CNTN5: variants seen among roughly 807,000 people sequenced by gnomAD.
CNTN5 encodes contactin-5.
Under a neutral mutation model 129.1 loss-of-function variants are expected in CNTN5, and 77 were observed. The ratio of observed to expected loss-of-function variants is 0.60; its 90% confidence interval spans 0.50 to 0.72. The LOEUF (loss-of-function observed/expected upper bound fraction) is 0.72. CNTN5 is among the 30% of genes least tolerant of loss of function. The pLI, the probability that CNTN5 is intolerant of heterozygous loss-of-function variation, is 0.00. For synonymous variants in CNTN5, 509 were observed against 465.6 expected (o/e 1.09, Z -1.20); for missense variants, 1,478 against 1,328.8 (o/e 1.11, Z -1.75).
chr11:99,934,718 C>T (rs1301010978), intron 7 of CNTN5, among the ~76,000 whole-genome samples: 1 of 151,616 alleles, frequency 6.6e-6, no homozygotes, highest in Non-Finnish European at 1.5e-5. Flanking sequence ...AACTCTGTGT[C>T]TACTAAAAAT....
At chr11:99,141,215 C>T (rs1226155865) in intron 1 of CNTN5, among the ~76,000 whole-genome samples, 2 of 151,920 alleles carry the variant, frequency 1.3e-5, no homozygotes, top group African/African-American at 2.4e-5. Flanking sequence ...TTTATTGGTT[C>T]AACCTTGGGA....
At chr11:99,941,644 G>A (rs939034951) in intron 7 of CNTN5, among the ~76,000 whole-genome samples, 2 of 146,188 alleles carry the variant, frequency 1.4e-5, no homozygotes, top group Non-Finnish European at 3.0e-5. Flanking sequence ...TTCTAGTTAA[G>A]GTCAGCAAAT....
At chr11:99,963,849 A>C (rs530671842) in intron 8 of CNTN5, among the ~76,000 whole-genome samples, 7 of 152,238 alleles carry the variant, frequency 4.6e-5, no homozygotes, top group African/African-American at 7.2e-5. Context: ...AGTGGTTTGT[A>C]GTTCTCCTTG....
At chr11:99,658,448 A>G (rs2135907113) in intron 3 of CNTN5, among the ~76,000 whole-genome samples, 1 of 152,240 alleles carries the variant, frequency 6.6e-6, no homozygotes, top group Middle Eastern at 3.4e-3. Context: ...TTTTCTTAAT[A>G]TCTCAGGCAA....
chr11:99,598,286 T>G (rs376567206), intron 3 of CNTN5, among the ~76,000 whole-genome samples: 268 of 5,374 alleles, frequency 0.05, 1 homozygote, highest in Middle Eastern at 0.12. Context: ...TTTCTTTTCT[T>G]TTCTTTTCTT....
intron 1 of CNTN5, among the ~76,000 whole-genome samples, chr11:99,143,373 T>A (rs991033314): frequency 7.4e-5 from 11 of 148,368 alleles, no homozygotes; most frequent in African/African-American, 2.7e-4. Flanking sequence ...TTTATAAAAT[T>A]ACATATATAA....
At chr11:99,507,756 A>G (rs2135401586) in intron 2 of CNTN5, among the ~76,000 whole-genome samples, 1 of 152,290 alleles carries the variant, frequency 6.6e-6, no homozygotes, top group East Asian at 1.9e-4. Flanking sequence ...ATATTTTTTC[A>G]TCAAGTGTAA....
At chr11:99,100,068 A>T (rs914194265) in intron 1 of CNTN5, among the ~76,000 whole-genome samples, 2 of 152,330 alleles carry the variant, frequency 1.3e-5, no homozygotes, top group East Asian at 3.9e-4. Flanking sequence ...AGTTAAAATC[A>T]TTAAACATTT....
intron 6 of CNTN5, among the ~76,000 whole-genome samples, chr11:99,909,822 G>T (rs1009928067): frequency 4.5e-4 from 69 of 151,784 alleles, no homozygotes; most frequent in African/African-American, 1.6e-3. Context: ...GGGGTGGGGG[G>T]AGAGGGGAGG....
chr11:99,433,374 T>TGTGC (rs1565578561), intron 2 of CNTN5, among the ~76,000 whole-genome samples: 12 of 21,568 alleles, frequency 5.6e-4, no homozygotes, highest in African/African-American at 1.3e-3. Flanking sequence ...AAAAAAAATG[T>TGTGC]GTGTGTGTGT....
chr11:99,142,924 C>G (rs891862084), intron 1 of CNTN5, among the ~76,000 whole-genome samples: 1 of 152,160 alleles, frequency 6.6e-6, no homozygotes, highest in South Asian at 2.1e-4. Flanking sequence ...CACCTCAGGG[C>G]CAGGGACTAG....
intron 15 of CNTN5, among the ~76,000 whole-genome samples, chr11:100,205,612 C>G (rs1194147159): frequency 6.6e-6 from 1 of 152,012 alleles, no homozygotes; most frequent in African/African-American, 2.4e-5. Flanking sequence ...AGCCTTCTGT[C>G]TCACGGGTTC....
Position 99,818,813 on chromosome 11 carries a change from C to T in CNTN5, c.56-731C>T, listed in dbSNP as rs192593918. On this transcript the variant is annotated intron_variant, in intron 3 of 24. Transcript: ENST00000524871. The stretch of plus-strand genomic sequence containing the variant: ...TTAGGAATTAAAATATGAAATTTAT[C>T]AATAATCAATAAAAATGAAAATTTC... Among the ~76,000 whole-genome samples, 186 of 152,168 alleles carry T rather than the reference C, an allele frequency of 1.2e-3. 1 individual carries two copies. Among genetic ancestry groups the T allele is most frequent in the African/African-American group, 4.2e-3 (175 of 41,508 alleles).
At chr11:99,370,053 A>T (rs1039489383) in intron 2 of CNTN5, among the ~76,000 whole-genome samples, 1 of 152,176 alleles carries the variant, frequency 6.6e-6, no homozygotes, top group Non-Finnish European at 1.5e-5. Flanking sequence ...GCAGTTGAAA[A>T]GGTGTTGAAG....
At chr11:100,048,808 T>C (rs1276630360) in intron 9 of CNTN5, among the ~76,000 whole-genome samples, 2 of 152,082 alleles carry the variant, frequency 1.3e-5, no homozygotes, top group African/African-American at 2.4e-5. Context: ...ATCTGTATTG[T>C]TGTAAAACTT....
At chr11:99,744,314 C>A (rs140547478) in intron 3 of CNTN5, among the ~76,000 whole-genome samples, 1 of 151,664 alleles carries the variant, frequency 6.6e-6, no homozygotes, top group African/African-American at 2.4e-5. Flanking sequence ...AAACCTCTGG[C>A]CCCCACAAAC....
chr11:99,452,996 G>C (rs1025576404), intron 2 of CNTN5, among the ~76,000 whole-genome samples: 3 of 152,148 alleles, frequency 2.0e-5, no homozygotes, highest in Non-Finnish European at 4.4e-5. Context: ...AAAAAGCTAA[G>C]AAGTGGCAGC....
chr11:99,331,355 T>C (rs1457903509), intron 2 of CNTN5, among the ~76,000 whole-genome samples: 2 of 152,094 alleles, frequency 1.3e-5, no homozygotes, highest in Admixed American at 6.6e-5. Context: ...CAGAATGCCA[T>C]ACAATAAATA....
At chr11:99,912,440 A>C (rs544151485) in intron 6 of CNTN5, among the ~76,000 whole-genome samples, 14 of 152,094 alleles carry the variant, frequency 9.2e-5, no homozygotes, top group Non-Finnish European at 1.6e-4. Flanking sequence ...ATTCATTTAT[A>C]TATGTATATC....
Sources: gnomAD v4.1 joint callset for allele counts (sites outside exome capture counted in the v4.1 genomes callset) on GRCh38, gnomAD v4.1.1 for gene constraint, MANE v1.5 for transcripts, NCBI Gene and HGNC (gene_info 2026-07-23, HGNC 2026-07-21) for gene names.